Variants in GSG1L observed in about 807,000 individuals in gnomAD.
The protein encoded by GSG1L is germ cell-specific gene 1-like protein.
GSG1L carries 24 observed loss-of-function variants against 42.1 expected under a neutral mutation model. The observed-to-expected ratio is 0.57, with a 90% CI of 0.41 to 0.80. The LOEUF (loss-of-function observed/expected upper bound fraction) is 0.80. Ranked by LOEUF, GSG1L falls within the 30% of genes least tolerant of loss-of-function variation. GSG1L has a pLI of 0.00. For missense variants in GSG1L, 445 were observed against 472.2 expected (o/e 0.94, Z 0.53); for synonymous variants, 215 against 203.5 (o/e 1.06, Z -0.48).
intron 2 of GSG1L, among the ~76,000 whole-genome samples, chr16:27,905,116 T>C (rs1440689070): frequency 6.6e-6 from 1 of 152,218 alleles, no homozygotes; most frequent in Non-Finnish European, 1.5e-5. Flanking sequence ...CCAATCATGA[T>C]TGAGTCCATC....
rs1281191968 is a variant in GSG1L, at chr16:27,958,735, G to T, written c.397+4421C>A. Among the ~76,000 whole-genome samples the T allele has an allele frequency of 3.9e-5, 6 of 151,990 alleles. No individual in the cohort carries two copies. The East Asian group carries it at 1.2e-3, about 30-fold the overall frequency. ...CTGTTGCCCAGGCTGGAGTGCAGTG[G>T]CATGATCTCGGCTCACTGTAACCTC... On this transcript the variant is annotated intron_variant, in intron 2 of 6. Coordinates refer to ENST00000447459, the MANE Select transcript of GSG1L (RefSeq NM_001109763.2).
At chr16:27,802,881 C>T (rs182712243) in intron 6 of GSG1L, among the ~76,000 whole-genome samples, 1 of 152,066 alleles carries the variant, frequency 6.6e-6, no homozygotes, top group Admixed American at 6.5e-5. Context: ...TCTCGAACTC[C>T]TGGCATCAAA....
intron 6 of GSG1L, among the ~76,000 whole-genome samples, chr16:27,804,037 GGATAGATAGATAGATAGATA>G (rs557443110): frequency 2.3e-5 from 3 of 132,676 alleles, no homozygotes; most frequent in South Asian, 4.8e-4. Context: ...TAGATTAGAT[GGATAGATAGATAGATAGATA>G]GATAGATAGA....
intron 6 of GSG1L, among the ~76,000 whole-genome samples, chr16:27,802,043 T>TC (rs1194481460): frequency 2.0e-5 from 3 of 151,988 alleles, no homozygotes; most frequent in Non-Finnish European, 4.4e-5. Context: ...CCTGGCTAAG[T>TC]CCCCCCTTCC....
intron 2 of GSG1L, among the ~76,000 whole-genome samples, chr16:27,934,717 G>A (rs1010060): frequency 0.057 from 8,620 of 152,138 alleles, 386 homozygotes; most frequent in Admixed American, 0.15. Flanking sequence ...CTGTCATTTC[G>A]CGGTTGTGCG....
At chr16:27,909,381 C>CTTTTTTTTTTTTTTTTTTTTTTTTTTT (rs34041209) in intron 2 of GSG1L, among the ~76,000 whole-genome samples, 1 of 117,808 alleles carries the variant, frequency 8.5e-6, no homozygotes, top group African/African-American at 3.2e-5. Context: ...TCTTCTTTTT[C>CTTTTTTTTTTTTTTTTTTTTTTTTTTT]TTTTTTTTTT....
intron 4 of GSG1L, among the ~76,000 whole-genome samples, chr16:27,831,180 G>A (rs1190834035): frequency 1.3e-5 from 2 of 152,186 alleles, no homozygotes; most frequent in East Asian, 3.8e-4. Context: ...TGGGATTTGA[G>A]CCAGGAGTTG....
intron 2 of GSG1L, among the ~76,000 whole-genome samples, chr16:27,939,048 T>C (rs987985133): frequency 3.3e-5 from 5 of 152,094 alleles, no homozygotes; most frequent in African/African-American, 4.8e-5. Flanking sequence ...TGAAAGCACA[T>C]AATGACATTC....
intron 1 of GSG1L, among the ~76,000 whole-genome samples, chr16:27,972,709 G>T (rs1258018606): frequency 6.6e-6 from 1 of 152,110 alleles, no homozygotes; most frequent in Non-Finnish European, 1.5e-5. Flanking sequence ...CAATTTACGT[G>T]ATTCTTAACC....
intron 1 of GSG1L, among the ~76,000 whole-genome samples, chr16:27,969,943 T>C (rs879687085): frequency 7.9e-5 from 12 of 152,238 alleles, no homozygotes; most frequent in Non-Finnish European, 8.8e-5. Flanking sequence ...TTAATTTGCA[T>C]TTTCTTAATG....
At chr16:27,945,259 A>G (rs1389953731) in intron 2 of GSG1L, among the ~76,000 whole-genome samples, 1 of 152,174 alleles carries the variant, frequency 6.6e-6, no homozygotes, top group East Asian at 1.9e-4. Context: ...CACTTTAAAC[A>G]GGCAAATTGA....
At chr16:27,855,744 ACC>A in intron 3 of GSG1L, among the ~76,000 whole-genome samples, 1 of 129,380 alleles carries the variant, frequency 7.7e-6, no homozygotes. Context: ...AAAAAAAGAG[ACC>A]AACGGAACAG....
At chr16:27,984,657 T>C (rs973198028) in intron 1 of GSG1L, among the ~76,000 whole-genome samples, 3 of 152,222 alleles carry the variant, frequency 2.0e-5, no homozygotes, top group African/African-American at 7.2e-5. Flanking sequence ...ATCCTGTTTC[T>C]GGCATTTTTT....
In GSG1L at chr16:27,991,777, C is replaced by T. The variant is rs961646698; in HGVS notation, c.350-28574G>A. 5.9e-5 allele frequency among the ~76,000 whole-genome samples: 9 copies of T among 152,272 alleles called. No homozygotes were observed. The South Asian group carries it at 6.2e-4, about 11-fold the overall frequency. On this transcript the variant is annotated intron_variant, in intron 1 of 6. Transcript: ENST00000447459. ...TTACTTATTCTGAGAAAACCAAAATCGTGGTATTCCAAAGACTAGAGATTA... is the reference window on the plus strand; with the variant it reads ...TTACTTATTCTGAGAAAACCAAAATTGTGGTATTCCAAAGACTAGAGATTA...
At chr16:27,937,201 T>G (rs985313162) in intron 2 of GSG1L, among the ~76,000 whole-genome samples, 3 of 152,096 alleles carry the variant, frequency 2.0e-5, no homozygotes, top group African/African-American at 7.2e-5. Context: ...AGCCTAGAAT[T>G]TTGAACTGTT....
chr16:27,935,810 G>A (rs1029163786), intron 2 of GSG1L, among the ~76,000 whole-genome samples: 4 of 149,246 alleles, frequency 2.7e-5, no homozygotes, highest in Non-Finnish European at 4.4e-5. Flanking sequence ...GACAGAACCG[G>A]ACACAAGCAT....
chr16:28,061,476 C>A (rs1344093645), intron 1 of GSG1L, among the ~76,000 whole-genome samples: 1 of 152,138 alleles, frequency 6.6e-6, no homozygotes, highest in African/African-American at 2.4e-5. Context: ...GGTCAGCCAC[C>A]CCCAGAAGAG....
rs528932703 is a variant in GSG1L, at chr16:27,839,647, C to T, written c.662+5303G>A. Among the ~76,000 whole-genome samples, 11 of 152,314 alleles carry T rather than the reference C, an allele frequency of 7.2e-5. No homozygotes were observed. In the East Asian group the frequency reaches 9.6e-4, roughly 13 times the overall value. ...CTGGGGTGAGCTGGAGACCAGATGC[C>T]TATCTAAAGTTTCAGTCATTCTCAG... On this transcript the variant is annotated intron_variant, in intron 4 of 6. Coordinates refer to ENST00000447459, the MANE Select transcript of GSG1L (RefSeq NM_001109763.2).
rs2086319762 is a variant in GSG1L at position 28,059,716 on chromosome 16, C to T, written c.349+3360G>A. 6.6e-6 allele frequency among the ~76,000 whole-genome samples: 1 copy of T among 152,134 alleles called. No homozygotes were observed. Among genetic ancestry groups the T allele is most frequent in the Non-Finnish European group, 1.5e-5 (1 of 68,042 alleles). On this transcript the variant is annotated intron_variant, in intron 1 of 6. Transcript: ENST00000447459. This position sits in a 1 kb window ranked among gnomAD's most constrained non-coding sequence, Gnocchi z 4.4. ...TCCCCACCAAACCCCTCCCCAGCGT[C>T]TCAACCAGAAGAGAAATCCAATTTG... is the stretch of plus-strand genomic sequence containing the variant.
Sources: allele counts gnomAD v4.1 joint callset (sites outside exome capture counted in the v4.1 genomes callset), GRCh38; gene constraint gnomAD v4.1.1; non-coding constraint Gnocchi (gnomAD v3.1); transcripts MANE v1.5; gene names NCBI Gene and HGNC (gene_info 2026-07-23, HGNC 2026-07-21).